Variants in ULK4 observed in about 807,000 individuals in gnomAD.
The protein encoded by ULK4 is inactive serine/threonine-protein kinase ULK4.
In ULK4, 133 loss-of-function variants were observed where a neutral mutation model predicts 160.6. The observed-to-expected ratio is 0.83, with a 90% CI of 0.72 to 0.96. The LOEUF (loss-of-function observed/expected upper bound fraction) is 0.96, where lower values mean the gene tolerates loss of function less well. Among genes scored for constraint, ULK4 ranks in the 40% least tolerant of loss-of-function variants. ULK4 has a pLI of 0.00. For synonymous variants in ULK4, 534 were observed against 539.8 expected (o/e 0.99, Z 0.15); for missense variants, 1,580 against 1,499.5 (o/e 1.05, Z -0.89).
chr3:41,498,188 A>C (rs936031240), intron 32 of ULK4, among the ~76,000 whole-genome samples: 7 of 152,226 alleles, frequency 4.6e-5, no homozygotes, highest in African/African-American at 1.7e-4. Flanking sequence ...AAAAAACTGA[A>C]ATGTTTGAGT....
intron 33 of ULK4, among the ~76,000 whole-genome samples, chr3:41,461,542 A>T (rs1385065849): frequency 1.3e-5 from 2 of 152,184 alleles, no homozygotes; most frequent in African/African-American, 2.4e-5. Flanking sequence ...ATGAGGGATG[A>T]TTTAGAAAGA....
intron 2 of ULK4, among the ~76,000 whole-genome samples, chr3:41,953,285 C>CACATATGT (rs374288098): frequency 1.2e-5 from 1 of 85,942 alleles, no homozygotes; most frequent in Non-Finnish European, 2.4e-5. Flanking sequence ...CATATATACA[C>CACATATGT]ATATATATAT....
chr3:41,865,522 G>A (rs1215455336), intron 17 of ULK4, among the ~76,000 whole-genome samples: 1 of 151,884 alleles, frequency 6.6e-6, no homozygotes, highest in African/African-American at 2.4e-5. Context: ...CCCTCCATTA[G>A]CAACTTTCTG....
At chr3:41,434,089 T>C (rs781473567) in intron 34 of ULK4, among the ~76,000 whole-genome samples, 1 of 152,134 alleles carries the variant, frequency 6.6e-6, no homozygotes, top group Non-Finnish European at 1.5e-5. Context: ...ATGTGACAGG[T>C]CACAATCAAA....
intron 30 of ULK4, among the ~76,000 whole-genome samples, chr3:41,651,416 G>C (rs1402852656): frequency 1.3e-5 from 2 of 152,142 alleles, no homozygotes; most frequent in Non-Finnish European, 2.9e-5. Context: ...CTTCTAACTA[G>C]TGGAAGGTAT....
intron 34 of ULK4, among the ~76,000 whole-genome samples, chr3:41,423,998 G>A (rs1002285108): frequency 3.9e-5 from 6 of 152,106 alleles, no homozygotes; most frequent in African/African-American, 1.2e-4. Context: ...GTGGGGAGGG[G>A]TGGTCATCAT....
At chr3:41,764,065 G>A (rs1249070380) in intron 21 of ULK4, among the ~76,000 whole-genome samples, 1 of 152,126 alleles carries the variant, frequency 6.6e-6, no homozygotes, top group Non-Finnish European at 1.5e-5. Flanking sequence ...TCATGGCAAA[G>A]AAGGACACCT....
intron 17 of ULK4, 123 bp downstream of exon 17, chr3:41,883,751 C>T (rs1697608793): frequency 1.3e-5 from 12 of 898,752 alleles, no homozygotes; most frequent in Middle Eastern, 3.1e-4. Flanking sequence ...AGTTTTAGAA[C>T]GATTGCCACA....
At chr3:41,301,601 T>C (rs1025884910) in intron 35 of ULK4, among the ~76,000 whole-genome samples, 1 of 152,184 alleles carries the variant, frequency 6.6e-6, no homozygotes, top group Admixed American at 6.5e-5. Context: ...ACGTTTAGAG[T>C]ATTACAAAGG....
At chr3:41,783,017 T>C (rs1218886025) in intron 21 of ULK4, among the ~76,000 whole-genome samples, 1 of 141,978 alleles carries the variant, frequency 7.0e-6, no homozygotes, top group Non-Finnish European at 1.5e-5. Flanking sequence ...GTTGGGTTGG[T>C]CCAATTTCTA....
chr3:41,305,456 A>G (rs1284277290), intron 35 of ULK4, among the ~76,000 whole-genome samples: 3 of 152,226 alleles, frequency 2.0e-5, no homozygotes, highest in South Asian at 2.1e-4. Flanking sequence ...CCCTAACCGC[A>G]AGTGATCCGC....
chr3:41,878,020 G>C (rs561527943), intron 17 of ULK4, among the ~76,000 whole-genome samples: 1 of 141,030 alleles, frequency 7.1e-6, no homozygotes, highest in Admixed American at 7.5e-5. Context: ...AATAAACTGT[G>C]AATTTTTCTC....
Position 41,828,526 on chromosome 3 carries a change from G to C in ULK4, c.1764+7338C>G, listed in dbSNP as rs1376479960. Among the ~76,000 whole-genome samples the C allele has an allele frequency of 1.5e-5, 2 of 135,122 alleles. 1 individual carries two copies. Among genetic ancestry groups the C allele is most frequent in the African/African-American group, 6.5e-5 (2 of 30,586 alleles). The allele number at this position is 135,122 out of a possible 152,430, so 88.6% of individuals were successfully genotyped here. The stretch of plus-strand genomic sequence containing the variant: ...AATAACAGACAGAGAGCCAAATCAT[G>C]AGTGAACTCCCATTCACAACTGCTT... On this transcript the variant is annotated intron_variant, in intron 18 of 36. Transcript: ENST00000301831.
chr3:41,596,743 T>C (rs1200411899), intron 31 of ULK4, among the ~76,000 whole-genome samples: 1 of 152,004 alleles, frequency 6.6e-6, no homozygotes, highest in East Asian at 1.9e-4. Flanking sequence ...GGGGATGGAA[T>C]AGAACATTAG....
intron 35 of ULK4, among the ~76,000 whole-genome samples, chr3:41,291,280 AAG>A (rs894255121): frequency 9.2e-5 from 14 of 151,378 alleles, no homozygotes; most frequent in Admixed American, 5.3e-4. Flanking sequence ...GAGAGAGGGA[AAG>A]AGAGAGATAA....
At chr3:41,913,818 T>C (rs1458858788) in intron 8 of ULK4, among the ~76,000 whole-genome samples, 1 of 151,856 alleles carries the variant, frequency 6.6e-6, no homozygotes, top group African/African-American at 2.4e-5. Flanking sequence ...CAAAAATTAG[T>C]TGGGTGTGGG....
chr3:41,547,563 T>C (rs944659498), intron 32 of ULK4, among the ~76,000 whole-genome samples: 4 of 152,064 alleles, frequency 2.6e-5, no homozygotes, highest in African/African-American at 9.7e-5. Context: ...CTGAGACTAG[T>C]AGAGTGAGCT....
chr3:41,249,517 C>T lies in ULK4; in HGVS notation c.3736G>A (p.Ala1246Thr). 6.2e-7 allele frequency: 1 copy of T among 1,614,066 alleles called. No individual in the cohort carries two copies. Among genetic ancestry groups the T allele is most frequent in the Non-Finnish European group, 8.5e-7 (1 of 1,179,984 alleles). Residue 1246 changes from alanine (A) to threonine (T), a missense_variant, in exon 36 of 37, where the codon GCT becomes ACT. Ala to Thr is a moderately conservative substitution (Grantham distance 58). Transcript: ENST00000301831. ...CTCCCAGGGGCCAGCCGCTCCAGAG[C>T]CCGCAGGAGGCTGCCTGCATTCTTG... ...SLKNAGSLLR[A>T]LERLAPGSGS...
At chr3:41,928,768 A>T (rs1699478454) in intron 5 of ULK4, among the ~76,000 whole-genome samples, 1 of 152,144 alleles carries the variant, frequency 6.6e-6, no homozygotes, top group Admixed American at 6.5e-5. Context: ...GGACATATAC[A>T]TGCTCCCAAG....
Sources: gnomAD v4.1 joint callset for allele counts (sites outside exome capture counted in the v4.1 genomes callset) on GRCh38, gnomAD v4.1.1 for gene constraint, MANE v1.5 for transcripts, NCBI Gene and HGNC (gene_info 2026-07-23, HGNC 2026-07-21) for gene names.